ANTXR2: variants seen among roughly 807,000 people sequenced by gnomAD.
ANTXR2 encodes anthrax toxin receptor 2.
In ANTXR2, 44 loss-of-function variants were observed where a neutral mutation model predicts 73.7. The observed-to-expected ratio is 0.60, with a 90% CI of 0.47 to 0.77. The LOEUF (loss-of-function observed/expected upper bound fraction) is 0.77, where lower values mean the gene tolerates loss of function less well. ANTXR2 is among the 30% of genes least tolerant of loss of function. The pLI is 0.00. For missense variants in ANTXR2, 604 were observed against 592.5 expected (o/e 1.02, Z -0.20); for synonymous variants, 217 against 205.9 (o/e 1.05, Z -0.46).
At chr4:79,952,761 T>C (rs1011460608) in intron 16 of ANTXR2, among the ~76,000 whole-genome samples, 11 of 151,650 alleles carry the variant, frequency 7.3e-5, no homozygotes. Flanking sequence ...AGCCTTAAAA[T>C]GTAGTTTACA....
intron 12 of ANTXR2, among the ~76,000 whole-genome samples, chr4:79,995,358 A>G (rs750610921): frequency 2.0e-5 from 3 of 152,012 alleles, no homozygotes; most frequent in East Asian, 1.9e-4. Flanking sequence ...TTCCAAATGT[A>G]TAAGTCAAAT....
intron 16 of ANTXR2, among the ~76,000 whole-genome samples, chr4:79,948,464 C>T (rs1314653606): frequency 6.6e-6 from 1 of 152,104 alleles, no homozygotes; most frequent in African/African-American, 2.4e-5. Flanking sequence ...TTAAGATACA[C>T]AGAAATTCAG....
Position 80,072,830 on chromosome 4 carries a change from C to G in ANTXR2, c.-270G>C. 1.3e-6 allele frequency: 1 copy of G among 744,290 alleles called. No individual in the cohort carries two copies. The highest frequency in any genetic ancestry group is 1.8e-6 in the Non-Finnish European group (1 of 541,880). 46.1% of individuals were successfully genotyped at this position (744,290 alleles called of 1,614,324 possible). ...GAAGCGCGATCCAGTCCTCCCCCTC[C>G]CGATTCCGGAGAGTTCCTGCAGACA... On this transcript the variant is annotated 5_prime_UTR_variant, in exon 1 of 17. Transcript: ENST00000403729.
At chr4:80,044,511 T>C (rs769191457) in intron 7 of ANTXR2, among the ~76,000 whole-genome samples, 4 of 151,870 alleles carry the variant, frequency 2.6e-5, no homozygotes, top group Non-Finnish European at 4.4e-5. Flanking sequence ...TATCATGCAA[T>C]AAATTAAGAT....
At chr4:79,990,754 C>T (rs1018336793) in intron 12 of ANTXR2, among the ~76,000 whole-genome samples, 1 of 151,724 alleles carries the variant, frequency 6.6e-6, no homozygotes, top group South Asian at 2.1e-4. Flanking sequence ...TAGAGTACAC[C>T]AAAGCAGCAT....
At chr4:80,008,427 T>G in intron 12 of ANTXR2, 94 bp downstream of exon 12, 1 of 927,910 alleles carries the variant, frequency 1.1e-6, no homozygotes, top group East Asian at 3.0e-5. Context: ...ACTGAAACTT[T>G]GCTGTTATTA....
chr4:79,931,502 A>AC (rs1424869370), intron 16 of ANTXR2, among the ~76,000 whole-genome samples: 1 of 133,222 alleles, frequency 7.5e-6, no homozygotes, highest in Non-Finnish European at 1.7e-5. Context: ...CAAACACCCC[A>AC]CCCCCACTCC....
At chr4:79,945,694 T>C (rs934470129) in intron 16 of ANTXR2, among the ~76,000 whole-genome samples, 2 of 152,138 alleles carry the variant, frequency 1.3e-5, no homozygotes, top group Non-Finnish European at 2.9e-5. Flanking sequence ...GAAGATTTAG[T>C]CATCCCACCT....
At chr4:80,048,188 G>A (rs1009529207) in intron 7 of ANTXR2, among the ~76,000 whole-genome samples, 2 of 149,172 alleles carry the variant, frequency 1.3e-5, no homozygotes, top group Non-Finnish European at 3.0e-5. Flanking sequence ...TCAAAAACTT[G>A]CATAGATTTT....
At chr4:80,014,749 A>T (rs1731760528) in intron 11 of ANTXR2, among the ~76,000 whole-genome samples, 1 of 152,146 alleles carries the variant, frequency 6.6e-6, no homozygotes, top group African/African-American at 2.4e-5. Context: ...TAGTGCCCCT[A>T]TCACACGGTC....
chr4:79,907,477 G>A lies in ANTXR2; in HGVS notation c.1429-10C>T. Reference sequence around the variant, plus strand: ...AGTTTATGCACCGGCCCTGAAGAAAGAAATAAATCCATATTGAAATATTGA... The same window carrying A: ...AGTTTATGCACCGGCCCTGAAGAAAAAAATAAATCCATATTGAAATATTGA... On this transcript the variant is annotated splice_polypyrimidine_tract_variant and intron_variant, in intron 16 of 16. Coordinates refer to ENST00000403729, the MANE Select transcript of ANTXR2 (RefSeq NM_058172.6). 2.5e-6 allele frequency: 4 copies of A among 1,611,404 alleles called. No individual in the cohort carries two copies. Among genetic ancestry groups the A allele is most frequent in the Non-Finnish European group, 3.4e-6 (4 of 1,178,306 alleles).
chr4:79,929,997 G>A (rs1288200514), intron 16 of ANTXR2, among the ~76,000 whole-genome samples: 1 of 152,126 alleles, frequency 6.6e-6, no homozygotes, highest in Admixed American at 6.5e-5. Context: ...GGAAACTGAT[G>A]CTCAGAGTGG....
At chr4:80,031,504 A>T in intron 10 of ANTXR2, 119 bp downstream of exon 10, 1 of 777,838 alleles carries the variant, frequency 1.3e-6, no homozygotes. Context: ...CCCAAGGCTT[A>T]CTTTTTAATG....
chr4:80,052,846 A>T (rs1264891066), intron 7 of ANTXR2, among the ~76,000 whole-genome samples: 2 of 151,638 alleles, frequency 1.3e-5, no homozygotes, highest in Non-Finnish European at 3.0e-5. Context: ...ACATAATAAA[A>T]CAATGATAAC....
At chr4:79,988,179 A>G (rs1184356656) in intron 12 of ANTXR2, among the ~76,000 whole-genome samples, 1 of 147,306 alleles carries the variant, frequency 6.8e-6, no homozygotes, top group African/African-American at 2.5e-5. Context: ...TGGATACAGA[A>G]GCAAAACCCA....
chr4:80,052,985 A>T (rs1411322941), intron 7 of ANTXR2, among the ~76,000 whole-genome samples: 1 of 151,592 alleles, frequency 6.6e-6, no homozygotes, highest in East Asian at 1.9e-4. Context: ...ATATTAAAAA[A>T]ATCCAAAGGA....
chr4:79,914,949 C>G (rs1185404839), intron 16 of ANTXR2, among the ~76,000 whole-genome samples: 1 of 152,094 alleles, frequency 6.6e-6, no homozygotes, highest in Admixed American at 6.6e-5. Flanking sequence ...TAAGAAGATA[C>G]AGAATGTACC....
At chr4:79,995,168 A>G (rs1730665929) in intron 12 of ANTXR2, among the ~76,000 whole-genome samples, 1 of 152,014 alleles carries the variant, frequency 6.6e-6, no homozygotes, top group South Asian at 2.1e-4. Context: ...TTGATTTTGT[A>G]ATTTTTAAAT....
chr4:79,945,024 G>C (rs1401189767), intron 16 of ANTXR2, among the ~76,000 whole-genome samples: 1 of 152,064 alleles, frequency 6.6e-6, no homozygotes, highest in Admixed American at 6.6e-5. Flanking sequence ...TTTAACTCAT[G>C]ATCTGGGGTT....
Sources: allele counts gnomAD v4.1 joint callset (sites outside exome capture counted in the v4.1 genomes callset), GRCh38; gene constraint gnomAD v4.1.1; transcripts MANE v1.5; gene names NCBI Gene and HGNC (gene_info 2026-07-23, HGNC 2026-07-21).